The following ACADSB variants were observed in gnomAD, a reference collection of about 807,000 sequenced individuals.
ACADSB encodes acyl-CoA dehydrogenase short/branched chain.
Under a neutral mutation model 54.1 loss-of-function variants are expected in ACADSB, and 40 were observed. The ratio of observed to expected loss-of-function variants is 0.74; its 90% confidence interval spans 0.57 to 0.96. The LOEUF is 0.96. Ranked by LOEUF, ACADSB falls within the 40% of genes least tolerant of loss-of-function variation. ACADSB has a pLI of 0.00. For synonymous variants in ACADSB, 182 were observed against 182.8 expected, an observed-to-expected ratio of 1.00 and a Z score of 0.03; for missense variants, 530 against 510.4, an observed-to-expected ratio of 1.04 and a Z score of -0.37.
intron 1 of ACADSB, among the ~76,000 whole-genome samples, chr10:123,015,595 TG>T (rs1263443283): frequency 2.6e-5 from 4 of 152,240 alleles, no homozygotes; most frequent in Non-Finnish European, 4.4e-5. Context: ...TGTAGACCTG[TG>T]TAACAGTGTA....
intron 7 of ACADSB, among the ~76,000 whole-genome samples, chr10:123,046,344 A>G (rs981745697): frequency 2.0e-5 from 3 of 152,238 alleles, no homozygotes; most frequent in Admixed American, 6.5e-5. Context: ...CCATAATTTG[A>G]CATAATTACT....
At chr10:123,029,845 CAG>C (rs896490876) in intron 1 of ACADSB, among the ~76,000 whole-genome samples, 9 of 152,156 alleles carry the variant, frequency 5.9e-5, no homozygotes, top group Non-Finnish European at 1.3e-4. Flanking sequence ...GCTGCTGTAA[CAG>C]AATACCATAG....
At chr10:123,014,550 A>G (rs946473749) in intron 1 of ACADSB, among the ~76,000 whole-genome samples, 2 of 152,182 alleles carry the variant, frequency 1.3e-5, no homozygotes, top group Non-Finnish European at 2.9e-5. Context: ...CTTTGATAGG[A>G]TGTTTTAGGG....
In ACADSB at chr10:123,044,443, C is replaced by T; in HGVS notation, c.858C>T (p.Ala286=). ...LGQIGHGYKY[A]IGSLNEGRIG... ...AAATTGGACATGGCTATAAGTATGC[C>T]ATAGGGAGTCTCAATGAAGGTAGAA... The change falls in exon 7 of 11, where the codon GCC becomes GCT. Residue 286 remains alanine (A), a synonymous_variant. Transcript: ENST00000358776. 6.2e-7 allele frequency: 1 copy of T among 1,613,780 alleles called. No individual in the cohort carries two copies. Among genetic ancestry groups the T allele is most frequent in the Non-Finnish European group, 8.5e-7 (1 of 1,179,856 alleles).
rs1157440516 is a variant in ACADSB at position 123,058,170 on chromosome 10, C to T, written c.*4405C>T. The T allele has an allele frequency of 3.3e-5, 5 of 152,050 alleles. No homozygotes were observed. The highest frequency in any genetic ancestry group is 9.7e-5 in the African/African-American group (4 of 41,398). The allele number at this position is 152,050 out of a possible 1,614,324, so 9.4% of individuals were successfully genotyped here. On this transcript the variant is annotated 3_prime_UTR_variant, in exon 11 of 11. Coordinates refer to ENST00000358776, the MANE Select transcript of ACADSB (RefSeq NM_001609.4). ...TCCTTGTTTATGTATTTTTGCTGAT[C>T]TTTCATAAAGCAGAATGGTATGTAT... is the stretch of plus-strand genomic sequence containing the variant.
chr10:123,049,035 T>G (rs1160749053), intron 8 of ACADSB, among the ~76,000 whole-genome samples: 1 of 152,172 alleles, frequency 6.6e-6, no homozygotes, highest in East Asian at 1.9e-4. Flanking sequence ...TTTTAAAAAT[T>G]TTGTGGGTAC....
chr10:123,040,450 CT>C lies in ACADSB; in HGVS notation c.304-14del. On this transcript the variant is annotated splice_polypyrimidine_tract_variant and intron_variant, in intron 3 of 10. Transcript: ENST00000358776. Reference sequence around the variant, plus strand: ...AAATAGCTTTCTTAATCTATGTTGCCTTGTTTTTTCTTTAGTTGATGGGTAT... The same window carrying C: ...AAATAGCTTTCTTAATCTATGTTGCCTGTTTTTTCTTTAGTTGATGGGTAT... The C allele has an allele frequency of 6.2e-7, 1 of 1,607,292 alleles. No homozygotes were observed. Among genetic ancestry groups the C allele is most frequent in the Non-Finnish European group, 8.5e-7 (1 of 1,173,926 alleles).
chr10:123,045,758 A>G (rs1210278132), intron 7 of ACADSB, among the ~76,000 whole-genome samples: 1 of 152,198 alleles, frequency 6.6e-6, no homozygotes, highest in Non-Finnish European at 1.5e-5. Flanking sequence ...CTGCAATACT[A>G]GAGCTCATTT....
Position 123,044,446 on chromosome 10 carries a change from A to T in ACADSB, c.861A>T (p.Ile287=). 1 of 1,614,016 alleles carries T rather than the reference A, an allele frequency of 6.2e-7. No individual in the cohort carries two copies. Among genetic ancestry groups the T allele is most frequent in the Non-Finnish European group, 8.5e-7 (1 of 1,179,876 alleles). The change falls in exon 7 of 11, where the codon ATA becomes ATT. Residue 287 remains isoleucine (I), a synonymous_variant. Coordinates refer to ENST00000358776, the MANE Select transcript of ACADSB (RefSeq NM_001609.4). ...GQIGHGYKYA[I]GSLNEGRIGI... is the part of the protein sequence containing the mutation. The stretch of plus-strand genomic sequence containing the variant: ...TTGGACATGGCTATAAGTATGCCAT[A>T]GGGAGTCTCAATGAAGGTAGAATAG...
intron 5 of ACADSB, among the ~76,000 whole-genome samples, chr10:123,041,987 A>G (rs1401486178): frequency 1.5e-5 from 2 of 130,722 alleles, no homozygotes; most frequent in African/African-American, 5.9e-5. Flanking sequence ...TTTTTTTAAT[A>G]TGGAGTCTCG....
Position 123,038,782 on chromosome 10 carries a change from G to T in ACADSB, c.303+935G>T, listed in dbSNP as rs1184838781. The stretch of plus-strand genomic sequence containing the variant: ...TGATTCTTCCATCTTTCTTTTAGCA[G>T]TCAAACTCTTAGGAAACTGGAATCT... On this transcript the variant is annotated intron_variant, in intron 3 of 10. Coordinates refer to ENST00000358776, the MANE Select transcript of ACADSB (RefSeq NM_001609.4). Among the ~76,000 whole-genome samples the T allele has an allele frequency of 5.3e-5, 8 of 152,300 alleles. No individual in the cohort carries two copies. In the South Asian group the frequency reaches 1.0e-3, roughly 20 times the overall value.
intron 3 of ACADSB, among the ~76,000 whole-genome samples, chr10:123,040,184 A>T (rs1243291170): frequency 1.1e-4 from 1 of 9,344 alleles, no homozygotes; most frequent in Non-Finnish European, 1.5e-4. Context: ...CATCTCTACT[A>T]AAAAAAAAAA....
chr10:123,040,402 A>G, intron 3 of ACADSB, 64 bp from the exon 4 acceptor site: 1 of 1,337,174 alleles, frequency 7.5e-7, no homozygotes, highest in Non-Finnish European at 1.1e-6. Flanking sequence ...TAACTTGTTC[A>G]TGCAAGAAAT....
intron 7 of ACADSB, among the ~76,000 whole-genome samples, chr10:123,045,131 GTATATATATATATA>G (rs759224009): frequency 0.057 from 1,515 of 26,460 alleles, 90 homozygotes; most frequent in Middle Eastern, 0.094. Context: ...TTTGTAGAGT[GTATATATATATATA>G]TATATATATA....
rs1475922131 is a variant in ACADSB, at chr10:123,052,145, G to A, written c.1129-916G>A. Among the ~76,000 whole-genome samples the A allele has an allele frequency of 6.6e-6, 1 of 152,122 alleles. No individual in the cohort carries two copies. Among genetic ancestry groups the A allele is most frequent in the Admixed American group, 6.6e-5 (1 of 15,262 alleles). On this transcript the variant is annotated intron_variant, in intron 9 of 10. Transcript: ENST00000358776. The surrounding 1 kb of genome is among the most constrained non-coding windows in gnomAD (Gnocchi z 4.2). Reference sequence around the variant, plus strand: ...TCTCACAACAAATGGAGCTCTATCTGTACTAGATTCCAATTGCTGCTATAA... The same window carrying A: ...TCTCACAACAAATGGAGCTCTATCTATACTAGATTCCAATTGCTGCTATAA...
chr10:123,011,018 A>G (rs534006457), intron 1 of ACADSB, among the ~76,000 whole-genome samples: 1 of 152,304 alleles, frequency 6.6e-6, no homozygotes, highest in East Asian at 1.9e-4. Flanking sequence ...AAGGGGACTG[A>G]GGCCACTTTA....
At chr10:123,018,797 T>C (rs1293894036) in intron 1 of ACADSB, among the ~76,000 whole-genome samples, 1 of 152,116 alleles carries the variant, frequency 6.6e-6, no homozygotes. Flanking sequence ...AACTGCCCTT[T>C]ATAAAACGAT....
In ACADSB at chr10:123,014,632, C is replaced by CA. The variant is rs1019132811; in HGVS notation, c.42+5569dup. On this transcript the variant is annotated intron_variant, in intron 1 of 10. Transcript: ENST00000358776. ...AGGTTTACAACAGGGTTCTTGACAT[C>CA]AAAAAAAATTACATTTTTAATTGGG... Among the ~76,000 whole-genome samples, 9 of 151,802 alleles carry CA rather than the reference C, an allele frequency of 5.9e-5. No homozygotes were observed. In the South Asian group the frequency reaches 1.7e-3, roughly 28 times the overall value.
At chr10:123,026,566 A>G (rs1850254626) in intron 1 of ACADSB, among the ~76,000 whole-genome samples, 1 of 152,186 alleles carries the variant, frequency 6.6e-6, no homozygotes, top group African/African-American at 2.4e-5. Flanking sequence ...AATGACTTTT[A>G]TTAGATTTCT....
Sources: allele counts gnomAD v4.1 joint callset (sites outside exome capture counted in the v4.1 genomes callset), GRCh38; gene constraint gnomAD v4.1.1; non-coding constraint Gnocchi (gnomAD v3.1); transcripts MANE v1.5; gene names NCBI Gene and HGNC (gene_info 2026-07-23, HGNC 2026-07-21).